Variants in CDC42BPA observed in about 807,000 individuals in gnomAD.
CDC42BPA encodes serine/threonine-protein kinase MRCK alpha.
CDC42BPA carries 80 observed loss-of-function variants against 223.5 expected under a neutral mutation model. That is an observed-to-expected ratio of 0.36 (90% confidence interval 0.30 to 0.43). The LOEUF (loss-of-function observed/expected upper bound fraction) is 0.43, where lower values mean the gene tolerates loss of function less well. Among genes scored for constraint, CDC42BPA ranks in the 20% least tolerant of loss-of-function variants. CDC42BPA has a pLI of 1.00. For missense variants in CDC42BPA, 1,743 were observed against 2,099.9 expected (o/e 0.83, Z 3.32); for synonymous variants, 694 against 718.6 (o/e 0.97, Z 0.55).
chr1:227,065,607 C>T (rs976044742), intron 21 of CDC42BPA, among the ~76,000 whole-genome samples: 4 of 152,310 alleles, frequency 2.6e-5, no homozygotes, highest in African/African-American at 4.8e-5. Context: ...TTTGAGTTAA[C>T]AGGCAAAACA....
chr1:227,143,400 A>G (rs10799390), intron 8 of CDC42BPA, among the ~76,000 whole-genome samples: 11,280 of 152,268 alleles, frequency 0.074, 459 homozygotes, highest in Admixed American at 0.11. Flanking sequence ...GAGATGTCCT[A>G]TGCTCACATT....
At chr1:227,185,375 A>G (rs1411607941) in intron 5 of CDC42BPA, among the ~76,000 whole-genome samples, 1 of 152,088 alleles carries the variant, frequency 6.6e-6, no homozygotes, top group South Asian at 2.1e-4. Context: ...GGCGATTCCC[A>G]CCGTTGTCCT....
At chr1:227,314,258 A>G (rs970971952) in intron 1 of CDC42BPA, among the ~76,000 whole-genome samples, 1 of 152,132 alleles carries the variant, frequency 6.6e-6, no homozygotes, top group Admixed American at 6.5e-5. Flanking sequence ...CTAAGCAGAC[A>G]AAAAACATAG....
At chr1:227,168,497 G>GTGTTTTGTTTTTTTTTTT (rs1302291274) in intron 5 of CDC42BPA, among the ~76,000 whole-genome samples, 97 of 80,198 alleles carry the variant, frequency 1.2e-3, no homozygotes, top group South Asian at 1.8e-3. Context: ...CTTCCCTGGT[G>GTGTTTTGTTTTTTTTTTT]TTTTTTTTTT....
intron 29 of CDC42BPA, among the ~76,000 whole-genome samples, chr1:227,030,188 G>A (rs529782173): frequency 7.9e-5 from 12 of 151,452 alleles, no homozygotes; most frequent in Non-Finnish European, 1.5e-4. Context: ...TAAATAAAAT[G>A]ATACAAGAAA....
At chr1:227,234,526 C>T (rs1678628071) in intron 2 of CDC42BPA, 1 of 152,218 alleles carries the variant, frequency 6.6e-6, no homozygotes, top group South Asian at 2.1e-4. Context: ...CTGCTGAAAA[C>T]TGCTCATCTA....
chr1:227,069,634 T>C (rs1677867592), intron 21 of CDC42BPA, 143 bp downstream of exon 21: 1 of 563,038 alleles, frequency 1.8e-6, no homozygotes, highest in Non-Finnish European at 3.2e-6. Context: ...AACATATTCC[T>C]CTGCTAATAT....
At chr1:227,140,130 T>C (rs114921288) in intron 9 of CDC42BPA, among the ~76,000 whole-genome samples, 101 of 152,292 alleles carry the variant, frequency 6.6e-4, no homozygotes, top group African/African-American at 2.3e-3. Flanking sequence ...TTACTAGAAT[T>C]TGAAATTCAA....
rs962839932 is a variant in CDC42BPA, at chr1:226,993,625, T to G, written c.*643A>C. 3 of 152,668 alleles carry G rather than the reference T, an allele frequency of 2.0e-5. No individual in the cohort carries two copies. Among genetic ancestry groups the G allele is most frequent in the Non-Finnish European group, 2.9e-5 (2 of 68,056 alleles). 9.5% of individuals were successfully genotyped at this position (152,668 alleles called of 1,614,324 possible). A position where few individuals can be genotyped will look rare whatever the true frequency, so the allele number is the denominator to read the frequency against. On this transcript the variant is annotated 3_prime_UTR_variant, in exon 37 of 37. Transcript: ENST00000366766. The stretch of plus-strand genomic sequence containing the variant: ...ATTACATTACAGACAAGAAACAACA[T>G]ATTTCTTTAAATTAAATCATCTCTC...
intron 34 of CDC42BPA, among the ~76,000 whole-genome samples, chr1:227,005,729 C>T (rs1663886930): frequency 6.6e-6 from 1 of 152,164 alleles, no homozygotes; most frequent in African/African-American, 2.4e-5. Flanking sequence ...TGTAAATGGT[C>T]TGGATTTGAT....
intron 1 of CDC42BPA, among the ~76,000 whole-genome samples, chr1:227,310,072 C>T (rs560581169): frequency 8.5e-5 from 13 of 152,290 alleles, no homozygotes; most frequent in Admixed American, 3.9e-4. Flanking sequence ...CCCTGCTACT[C>T]AGGAAGTTAC....
At chr1:227,205,537 G>A (rs1156546429) in intron 3 of CDC42BPA, among the ~76,000 whole-genome samples, 1 of 151,844 alleles carries the variant, frequency 6.6e-6, no homozygotes, top group African/African-American at 2.4e-5. Context: ...AGGGGTATTT[G>A]AGGGAGAAAA....
rs1675782064 is a variant in CDC42BPA, at chr1:227,220,877, G to A, written c.271-7658C>T. 2.6e-5 allele frequency among the ~76,000 whole-genome samples: 4 copies of A among 151,856 alleles called. No individual in the cohort carries two copies. In the South Asian group the frequency reaches 8.3e-4, roughly 32 times the overall value. On this transcript the variant is annotated intron_variant, in intron 2 of 36. Coordinates refer to ENST00000366766, the MANE Select transcript of CDC42BPA (RefSeq NM_001394014.1). ...ATTCCCCATCCAAGAACAAAAATAT[G>A]AACAAAAACGTCACCCCCATTTTAC...
chr1:227,236,489 AGT>A (rs1679047636), intron 2 of CDC42BPA, among the ~76,000 whole-genome samples: 1 of 152,224 alleles, frequency 6.6e-6, no homozygotes. Flanking sequence ...CCATCTATCA[AGT>A]GTTAGTGTAT....
At chr1:227,093,002 C>G (rs1683361560) in intron 15 of CDC42BPA, among the ~76,000 whole-genome samples, 1 of 152,188 alleles carries the variant, frequency 6.6e-6, no homozygotes, top group Non-Finnish European at 1.5e-5. Context: ...CACTTACCAT[C>G]TGAATTCACA....
At chr1:227,311,074 C>A (rs1026745298) in intron 1 of CDC42BPA, among the ~76,000 whole-genome samples, 1 of 152,092 alleles carries the variant, frequency 6.6e-6, no homozygotes, top group Non-Finnish European at 1.5e-5. Flanking sequence ...AAAAATCACA[C>A]GAAGTGCAGA....
chr1:226,998,088 G>A (rs1662005361), intron 35 of CDC42BPA, among the ~76,000 whole-genome samples: 1 of 152,110 alleles, frequency 6.6e-6, no homozygotes, highest in South Asian at 2.1e-4. Context: ...AACTTACAAG[G>A]GATGTGAAGG....
intron 1 of CDC42BPA, among the ~76,000 whole-genome samples, chr1:227,272,489 C>A (rs6659506): frequency 0.15 from 22,808 of 152,038 alleles, 2,077 homozygotes; most frequent in African/African-American, 0.24. Flanking sequence ...TATATGTAAT[C>A]TATGATGGTC....
At chr1:227,102,476 T>C (rs931489165) in intron 14 of CDC42BPA, among the ~76,000 whole-genome samples, 1 of 152,160 alleles carries the variant, frequency 6.6e-6, no homozygotes, top group African/African-American at 2.4e-5. Context: ...CACTGACCCG[T>C]ACTATTCTTG....
Sources: gnomAD v4.1 joint callset for allele counts (sites outside exome capture counted in the v4.1 genomes callset) on GRCh38, gnomAD v4.1.1 for gene constraint, MANE v1.5 for transcripts, NCBI Gene and HGNC (gene_info 2026-07-23, HGNC 2026-07-21) for gene names.